TMC3: variants seen among roughly 807,000 people sequenced by gnomAD.
TMC3 encodes transmembrane channel like 3.
TMC3 carries 98 observed loss-of-function variants against 110.6 expected under a neutral mutation model. The ratio of observed to expected loss-of-function variants is 0.89; its 90% confidence interval spans 0.75 to 1.05. The LOEUF is 1.05. Among genes scored for constraint, TMC3 ranks in the 50% least tolerant of loss-of-function variants. The pLI, the probability that TMC3 is intolerant of heterozygous loss-of-function variation, is 0.00. For missense variants in TMC3, 1,319 were observed against 1,373.2 expected, an observed-to-expected ratio of 0.96 and a Z score of 0.62; for synonymous variants, 489 against 513.1, an observed-to-expected ratio of 0.95 and a Z score of 0.63.
At position 81,338,778 on chromosome 15, in the gene TMC3, C is replaced by T. The variant is rs1404759766; in HGVS notation, c.1958G>A (p.Gly653Glu). Reference protein sequence around the residue: ...KPSLNCGPFSGQEKIYDIVSE... With the variant: ...KPSLNCGPFSEQEKIYDIVSE... ...CACAATGTCATAAATTTTCTCTTGT[C>T]CACTGTGAGAAAGAAAAACATAACT... The change falls in exon 18 of 22, where the codon GGA becomes GAA. Residue 653 changes from glycine (G) to glutamate (E), a missense_variant and splice_region_variant. Transcript: ENST00000359440. The T allele has an allele frequency of 5.6e-6, 9 of 1,613,338 alleles. No homozygotes were observed. The highest frequency in any genetic ancestry group is 1.1e-5 in the South Asian group (1 of 90,988).
In TMC3 at chr15:81,358,165, T is replaced by C. The variant is rs765341845; in HGVS notation, c.727A>G (p.Ile243Val). 2 of 1,600,882 alleles carry C rather than the reference T, an allele frequency of 1.2e-6. No individual in the cohort carries two copies. The highest frequency in any genetic ancestry group is 1.7e-6 in the Non-Finnish European group (2 of 1,175,206). Reference protein sequence around the residue: ...VGMAVFAYSFIILLKKMAKNS... With the variant: ...VGMAVFAYSFVILLKKMAKNS... ...CAGTCATACTTTTTTAAAAGAATGA[T>C]GAAGCTGTAAGCAAACACTGCCATC... The change falls in exon 7 of 22, where the codon ATC (isoleucine) becomes GTC (valine). Residue 243 changes from isoleucine (I) to valine (V), a missense_variant. Coordinates refer to ENST00000359440, the MANE Select transcript of TMC3 (RefSeq NM_001080532.3).
At position 81,331,402 on chromosome 15, in the gene TMC3, A is replaced by AT. The variant is rs1893458993; in HGVS notation, c.*1016dup. The AT allele has an allele frequency of 6.6e-6, 1 of 152,248 alleles. No homozygotes were observed. The highest frequency in any genetic ancestry group is 2.1e-4 in the South Asian group (1 of 4,832). The allele number at this position is 152,248 out of a possible 1,614,324, so 9.4% of individuals were successfully genotyped here. A position where few individuals can be genotyped will look rare whatever the true frequency, so the allele number is the denominator to read the frequency against. On this transcript the variant is annotated 3_prime_UTR_variant, in exon 22 of 22. Coordinates refer to ENST00000359440, the MANE Select transcript of TMC3 (RefSeq NM_001080532.3). ...AGGAATGTGAAACTAGCAAGTACAG[A>AT]TAAGGCTTGCTGAGCACAGAAGGAA...
intron 3 of TMC3, among the ~76,000 whole-genome samples, chr15:81,365,900 G>A (rs1894305175): frequency 6.6e-6 from 1 of 152,138 alleles, no homozygotes; most frequent in African/African-American, 2.4e-5. Flanking sequence ...TAAGCACCTA[G>A]ATTGTGTTGA....
intron 19 of TMC3, 117 bp from the exon 20 acceptor site, chr15:81,336,768 C>G: frequency 9.4e-7 from 1 of 1,063,432 alleles, no homozygotes; most frequent in Non-Finnish European, 1.4e-6. Flanking sequence ...TGGACCATAA[C>G]TGTACTACTA....
In TMC3 at chr15:81,332,516, C is replaced by T. The variant is rs761070274; in HGVS notation, c.3206G>A (p.Arg1069Lys). 1 of 1,613,732 alleles carries T rather than the reference C, an allele frequency of 6.2e-7. No homozygotes were observed. The highest frequency in any genetic ancestry group is 1.1e-5 in the South Asian group (1 of 91,008). The change falls in exon 22 of 22, where the codon AGG becomes AAG. Residue 1069 changes from arginine to lysine, a missense_variant. By Grantham distance (26) the Arg-to-Lys change is conservative. Coordinates refer to ENST00000359440, the MANE Select transcript of TMC3 (RefSeq NM_001080532.3). ...GGGCTGGCCCACGGACCTCGGGAACCTGCCCTGGCTGTGGGTGACCTGCAG... is the reference window on the plus strand; with the variant it reads ...GGGCTGGCCCACGGACCTCGGGAACTTGCCCTGGCTGTGGGTGACCTGCAG... ...QYLQVTHSQG[R>K]FPRSVGQPSR...
chr15:81,341,550 G>A, intron 15 of TMC3, 32 bp from the exon 16 acceptor site: 2 of 1,597,462 alleles, frequency 1.3e-6, no homozygotes, highest in Non-Finnish European at 1.7e-6. Flanking sequence ...GTTTGCATCT[G>A]TTCTCTTTCA....
Position 81,344,940 on chromosome 15 carries a change from A to C in TMC3, c.1344T>G (p.Pro448=), listed in dbSNP as rs202031928. 1 of 1,613,144 alleles carries C rather than the reference A, an allele frequency of 6.2e-7. No homozygotes were observed. The part of the protein sequence containing the change: ...STTFFATRTA[P]EEEKWSTSRP... ...GAGATGTGGACCATTTCTCTTCTTC[A>C]GGGGCTGTCCTGGTTGCAAAGAAGG... Residue 448 remains proline, a synonymous_variant, in exon 13 of 22, where the codon CCT becomes CCG. Coordinates refer to ENST00000359440, the MANE Select transcript of TMC3 (RefSeq NM_001080532.3).
intron 1 of TMC3, 103 bp downstream of exon 1, chr15:81,373,886 C>A (rs1000329523): frequency 3.7e-6 from 4 of 1,094,230 alleles, no homozygotes; most frequent in South Asian, 2.8e-5. Context: ...TTCTGAAGGA[C>A]AACTGAGCAG....
chr15:81,357,401 G>A (rs1894088294), intron 7 of TMC3, among the ~76,000 whole-genome samples: 1 of 151,874 alleles, frequency 6.6e-6, no homozygotes, highest in Non-Finnish European at 1.5e-5. Context: ...AGCAGAAGCA[G>A]CAGATGAACC....
chr15:81,358,189 TC>T lies in TMC3; in HGVS notation c.702del (p.Met235TrpfsTer12), dbSNP rs1361331000. 2.5e-6 allele frequency: 4 copies of T among 1,610,832 alleles called. No individual in the cohort carries two copies. The highest frequency in any genetic ancestry group is 1.7e-5 in the Admixed American group (1 of 59,160). ...ATGAAGCTGTAAGCAAACACTGCCATCCCCACTAGGAAATACGCCAAGGGCA... is the reference window on the plus strand; with the variant it reads ...ATGAAGCTGTAAGCAAACACTGCCATCCCACTAGGAAATACGCCAAGGGCA... The part of the protein sequence containing the change: ...YRLPLAYFLV[G>X]MAVFAYSFII... On this transcript the variant is annotated frameshift_variant, in exon 7 of 22. Coordinates refer to ENST00000359440, the MANE Select transcript of TMC3 (RefSeq NM_001080532.3). LOFTEE classifies it high-confidence loss of function.
intron 4 of TMC3, among the ~76,000 whole-genome samples, chr15:81,360,963 C>T (rs762982601): frequency 2.3e-4 from 34 of 146,308 alleles, no homozygotes; most frequent in Non-Finnish European, 3.4e-4. Flanking sequence ...TAGTTTATTA[C>T]GGTTTTCTCT....
chr15:81,354,767 CAT>C (rs550069875), intron 9 of TMC3, among the ~76,000 whole-genome samples: 180 of 152,310 alleles, frequency 1.2e-3, no homozygotes, highest in African/African-American at 4.2e-3. Context: ...TCCCTCTACA[CAT>C]GTTTTGGCCC....
intron 7 of TMC3, among the ~76,000 whole-genome samples, chr15:81,357,741 G>C (rs1894096929): frequency 6.6e-6 from 1 of 152,192 alleles, no homozygotes; most frequent in Non-Finnish European, 1.5e-5. Context: ...AGGACCTTTT[G>C]CTTTTTGCAA....
At chr15:81,336,795 G>A in intron 19 of TMC3, 144 bp from the exon 20 acceptor site, 1 of 821,578 alleles carries the variant, frequency 1.2e-6, no homozygotes, top group South Asian at 1.5e-5. Flanking sequence ...CCTATGGACG[G>A]TATGCTCTGG....
intron 10 of TMC3, among the ~76,000 whole-genome samples, chr15:81,351,245 A>G (rs1489812965): frequency 2.0e-5 from 3 of 152,060 alleles, no homozygotes; most frequent in East Asian, 3.8e-4. Flanking sequence ...CTTATAGTCA[A>G]TGCTCTAGGA....
intron 3 of TMC3, among the ~76,000 whole-genome samples, chr15:81,367,550 AC>A (rs1389254976): frequency 6.6e-6 from 1 of 152,184 alleles, no homozygotes; most frequent in Non-Finnish European, 1.5e-5. Flanking sequence ...ACAAACAAAA[AC>A]CTTAACATTG....
intron 12 of TMC3, among the ~76,000 whole-genome samples, chr15:81,345,365 C>T (rs756600142): frequency 1.4e-4 from 22 of 152,188 alleles, no homozygotes; most frequent in Non-Finnish European, 2.9e-4. Context: ...CTCAAGGTCA[C>T]GCTGCTAGTA....
At chr15:81,371,502 A>G (rs949813211) in intron 2 of TMC3, among the ~76,000 whole-genome samples, 2 of 152,220 alleles carry the variant, frequency 1.3e-5, no homozygotes, top group Non-Finnish European at 2.9e-5. Context: ...CAGGTGCCTG[A>G]TGATCAGGCA....
In TMC3 at chr15:81,332,812, A is replaced by G. The variant is rs1254920985; in HGVS notation, c.2910T>C (p.Pro970=). Residue 970 remains proline, a synonymous_variant, in exon 22 of 22, where the codon CCT becomes CCC. Coordinates refer to ENST00000359440, the MANE Select transcript of TMC3 (RefSeq NM_001080532.3). The part of the protein sequence containing the change: ...PRSLIDLRRA[P]HFYIGERSES... ...CGGACCTCTCCCCAATATAAAAATG[A>G]GGAGCCCGACGGAGGTCTATCAGGG... 3 of 1,611,834 alleles carry G rather than the reference A, an allele frequency of 1.9e-6. No homozygotes were observed. The highest frequency in any genetic ancestry group is 2.5e-6 in the Non-Finnish European group (3 of 1,179,008).
Sources: allele counts gnomAD v4.1 joint callset (sites outside exome capture counted in the v4.1 genomes callset), GRCh38; gene constraint gnomAD v4.1.1; transcripts MANE v1.5; gene names NCBI Gene and HGNC (gene_info 2026-07-23, HGNC 2026-07-21).